Variants in RAB31 observed in about 807,000 individuals in gnomAD.
The protein encoded by RAB31 is ras-related protein Rab-31.
RAB31 carries 21 observed loss-of-function variants against 25.6 expected under a neutral mutation model. That is an observed-to-expected ratio of 0.82 (90% CI 0.58 to 1.18). RAB31 has a LOEUF of 1.18. Ranked by LOEUF, RAB31 falls within the 50% of genes most tolerant of loss-of-function variation. RAB31 has a pLI of 0.00. For missense variants in RAB31, 196 were observed against 250.1 expected (o/e 0.78, Z 1.46); for synonymous variants, 87 against 84.0 (o/e 1.04, Z -0.20).
At chr18:9,796,025 A>G (rs909591915) in intron 3 of RAB31, among the ~76,000 whole-genome samples, 2 of 152,230 alleles carry the variant, frequency 1.3e-5, no homozygotes, top group Non-Finnish European at 2.9e-5. Context: ...TGGTATATAT[A>G]TACACCATAC....
At chr18:9,771,401 G>A (rs1465070845) in intron 1 of RAB31, among the ~76,000 whole-genome samples, 1 of 152,156 alleles carries the variant, frequency 6.6e-6, no homozygotes, top group African/African-American at 2.4e-5. Context: ...TACATAGATG[G>A]GTTTCCGTCA....
chr18:9,737,071 T>C (rs2068154766), intron 1 of RAB31, among the ~76,000 whole-genome samples: 1 of 152,238 alleles, frequency 6.6e-6, no homozygotes, highest in African/African-American at 2.4e-5. Flanking sequence ...AGAGAATCGA[T>C]TAATGAGTTT....
chr18:9,804,801 G>A (rs1568183421), intron 3 of RAB31, among the ~76,000 whole-genome samples: 1 of 137,982 alleles, frequency 7.2e-6, no homozygotes, highest in South Asian at 2.5e-4. Flanking sequence ...CCCGGTGGAA[G>A]GTGCCAGACT....
At chr18:9,751,738 A>G (rs143528254) in intron 1 of RAB31, among the ~76,000 whole-genome samples, 1 of 152,352 alleles carries the variant, frequency 6.6e-6, no homozygotes, top group East Asian at 1.9e-4. Flanking sequence ...GGTTCATTTA[A>G]TGATGTAACG....
intron 3 of RAB31, among the ~76,000 whole-genome samples, chr18:9,794,402 A>G (rs2068476471): frequency 6.6e-6 from 1 of 152,232 alleles, no homozygotes; most frequent in Non-Finnish European, 1.5e-5. Context: ...TCATAGACAT[A>G]GACACAAACA....
rs111457171 is a variant in RAB31 at position 9,813,852 on chromosome 18, C to CA, written c.202-161dup. Among the ~76,000 whole-genome samples, 1,145 of 150,896 alleles carry CA rather than the reference C, an allele frequency of 7.6e-3. 15 individuals carry two copies. The highest frequency in any genetic ancestry group is 0.026 in the African/African-American group (1,085 of 41,072). ...GGGTGAAAAGAGTGAAACTCCATCT[C>CA]AAAAAAATAAAATAAAATAAATAAA... On this transcript the variant is annotated intron_variant, in intron 3 of 6. Transcript: ENST00000578921.
intron 2 of RAB31, among the ~76,000 whole-genome samples, chr18:9,780,206 T>A (rs1026227699): frequency 1.3e-5 from 2 of 151,208 alleles, no homozygotes; most frequent in African/African-American, 4.9e-5. Flanking sequence ...ATGTTCACTC[T>A]AAAAAAAACC....
chr18:9,791,703 C>T (rs2068461097), intron 2 of RAB31, among the ~76,000 whole-genome samples: 2 of 152,172 alleles, frequency 1.3e-5, no homozygotes, highest in Non-Finnish European at 2.9e-5. Context: ...AAGCAATTCT[C>T]CTGCCTTAGC....
At chr18:9,855,569 C>T (rs1226364991) in intron 6 of RAB31, among the ~76,000 whole-genome samples, 2 of 152,174 alleles carry the variant, frequency 1.3e-5, no homozygotes, top group Non-Finnish European at 2.9e-5. Flanking sequence ...TTGAACCTTC[C>T]GGTAAATTCT....
At chr18:9,779,127 C>G (rs113708107) in intron 2 of RAB31, among the ~76,000 whole-genome samples, 1 of 152,112 alleles carries the variant, frequency 6.6e-6, no homozygotes, top group Non-Finnish European at 1.5e-5. Flanking sequence ...GACATTCAAA[C>G]CCATGTTCAA....
chr18:9,720,150 G>A (rs1483831317), intron 1 of RAB31, among the ~76,000 whole-genome samples: 1 of 152,196 alleles, frequency 6.6e-6, no homozygotes, highest in East Asian at 1.9e-4. Flanking sequence ...TTTTAGTAGA[G>A]ATGGGGTTTC....
intron 1 of RAB31, among the ~76,000 whole-genome samples, chr18:9,710,413 C>G (rs918259723): frequency 4.6e-5 from 7 of 152,194 alleles, no homozygotes; most frequent in Non-Finnish European, 1.0e-4. Context: ...TCTTTTATCT[C>G]CAAGAAAGAT....
At chr18:9,746,794 T>G (rs1418975436) in intron 1 of RAB31, among the ~76,000 whole-genome samples, 1 of 152,214 alleles carries the variant, frequency 6.6e-6, no homozygotes, top group Non-Finnish European at 1.5e-5. Context: ...GACCTAAATA[T>G]AGGAGCTAAG....
chr18:9,788,651 C>T (rs2068445354), intron 2 of RAB31, among the ~76,000 whole-genome samples: 1 of 152,160 alleles, frequency 6.6e-6, no homozygotes, highest in Non-Finnish European at 1.5e-5. Flanking sequence ...TGAAATCAAC[C>T]CAAGTGTCCA....
intron 1 of RAB31, among the ~76,000 whole-genome samples, chr18:9,754,476 C>T (rs1232741050): frequency 6.6e-6 from 1 of 152,098 alleles, no homozygotes; most frequent in African/African-American, 2.4e-5. Context: ...GACGGGGTTT[C>T]ACCATGTTGG....
At chr18:9,809,416 C>A (rs1019877262) in intron 3 of RAB31, among the ~76,000 whole-genome samples, 1 of 152,066 alleles carries the variant, frequency 6.6e-6, no homozygotes, top group Non-Finnish European at 1.5e-5. Context: ...GAACTAAAAC[C>A]AAAATAAATA....
At chr18:9,789,148 A>C (rs116490421) in intron 2 of RAB31, among the ~76,000 whole-genome samples, 2 of 152,354 alleles carry the variant, frequency 1.3e-5, no homozygotes, top group African/African-American at 4.8e-5. Context: ...TAAATACTAC[A>C]TGTTCTCACT....
Position 9,853,427 on chromosome 18 carries a change from A to G in RAB31, c.491-5801A>G, listed in dbSNP as rs28843085. 5.9e-3 allele frequency among the ~76,000 whole-genome samples: 894 copies of G among 152,340 alleles called. 4 individuals carry two copies. The highest frequency in any genetic ancestry group is 0.021 in the African/African-American group (853 of 41,568). On this transcript the variant is annotated intron_variant, in intron 6 of 6. Transcript: ENST00000578921. ...GCATATTGCTGAGTGAAAGGAGCCA[A>G]TCTGAAAAGGCTACACACTGTATGA...
intron 1 of RAB31, among the ~76,000 whole-genome samples, chr18:9,720,574 T>C (rs978238926): frequency 6.6e-6 from 1 of 151,266 alleles, no homozygotes. Context: ...TTCACTTACA[T>C]GAGACACACA....
Sources: allele counts gnomAD v4.1 joint callset (sites outside exome capture counted in the v4.1 genomes callset), GRCh38; gene constraint gnomAD v4.1.1; transcripts MANE v1.5; gene names NCBI Gene and HGNC (gene_info 2026-07-23, HGNC 2026-07-21).